Variants in ZFHX3 observed in about 807,000 individuals in gnomAD.
ZFHX3 encodes zinc finger homeobox 3.
Under a neutral mutation model 279.1 loss-of-function variants are expected in ZFHX3, and 42 were observed. The observed-to-expected ratio is 0.15, with a 90% CI of 0.12 to 0.19. The LOEUF (loss-of-function observed/expected upper bound fraction) is 0.19. Ranked by LOEUF, ZFHX3 falls within the 10% of genes least tolerant of loss-of-function variation. ZFHX3 has a pLI of 1.00. For synonymous variants in ZFHX3, 2,293 were observed against 1,957.8 expected, an observed-to-expected ratio of 1.17 and a Z score of -4.52; for missense variants, 4,981 against 4,754.0, an observed-to-expected ratio of 1.05 and a Z score of -1.40.
rs1377140116 is a variant in ZFHX3, at chr16:72,794,237, G to A, written c.8445C>T (p.Ser2815=). 4 of 1,614,202 alleles carry A rather than the reference G, an allele frequency of 2.5e-6. No individual in the cohort carries two copies. The highest frequency in any genetic ancestry group is 3.3e-5 in the Admixed American group (2 of 60,026). ...TTAGATTAACTGAGGACATGGAGGG[G>A]CTTTCAAAGTCTTCAATCCCTTCCA... ...IKVEGIEDFE[S]PSMSSVNLNF... Residue 2815 remains serine, a synonymous_variant, in exon 9 of 10, where the codon AGC becomes AGT. Transcript: ENST00000268489. The surrounding 1 kb of genome is among the most constrained non-coding windows in gnomAD (Gnocchi z 4.2).
chr16:73,213,837 C>G (rs1026838996), intron 5 of ZFHX3, among the ~76,000 whole-genome samples: 5 of 152,174 alleles, frequency 3.3e-5, no homozygotes, highest in Non-Finnish European at 7.3e-5. Flanking sequence ...CAAATTCTGG[C>G]TGAACATCAG....
At chr16:73,248,212 A>ATG (rs779662213) in intron 5 of ZFHX3, among the ~76,000 whole-genome samples, 5 of 146,910 alleles carry the variant, frequency 3.4e-5, no homozygotes, top group Non-Finnish European at 7.5e-5. Context: ...GTGTGTATAT[A>ATG]TGTGTGTGTG....
At chr16:73,550,183 A>G (rs2020182557) in intron 2 of ZFHX3, among the ~76,000 whole-genome samples, 1 of 152,014 alleles carries the variant, frequency 6.6e-6, no homozygotes, top group African/African-American at 2.4e-5. Flanking sequence ...GTCAGGGCAA[A>G]GCTGTATTGA....
intron 3 of ZFHX3, among the ~76,000 whole-genome samples, chr16:73,428,860 T>C (rs1289258626): frequency 1.3e-5 from 2 of 152,174 alleles, no homozygotes; most frequent in Admixed American, 6.5e-5. Flanking sequence ...TGGAACTGTC[T>C]TCTCTATTGC....
intron 5 of ZFHX3, among the ~76,000 whole-genome samples, chr16:73,161,551 C>T (rs1967236860): frequency 6.6e-6 from 1 of 152,172 alleles, no homozygotes; most frequent in Admixed American, 6.5e-5. Flanking sequence ...AGACATTTGG[C>T]ACTGCACTGG....
chr16:73,360,197 G>A (rs1431798069), intron 3 of ZFHX3, among the ~76,000 whole-genome samples: 1 of 152,176 alleles, frequency 6.6e-6, no homozygotes, highest in Non-Finnish European at 1.5e-5. Flanking sequence ...CAAGATACAC[G>A]TGACAATAAT....
chr16:73,604,841 T>C (rs1201980329), intron 2 of ZFHX3, among the ~76,000 whole-genome samples: 1 of 152,108 alleles, frequency 6.6e-6, no homozygotes, highest in Non-Finnish European at 1.5e-5. Context: ...AGGCTTCCTA[T>C]AAGATACCAG....
intron 7 of ZFHX3, chr16:72,807,127 GGGC>G (rs2036289588): frequency 3.9e-5 from 6 of 152,186 alleles, no homozygotes; most frequent in Non-Finnish European, 8.8e-5. Flanking sequence ...GGGAAAATAA[GGGC>G]ACCGAGCAGC....
Position 72,797,712 on chromosome 16 carries a change from G to T in ZFHX3, c.4970C>A (p.Thr1657Asn), listed in dbSNP as rs1371349982. The change falls in exon 9 of 10, where the codon ACC becomes AAC. Residue 1657 changes from threonine (T) to asparagine (N), a missense_variant. This residue lies in a region of ZFHX3 where 1,751 missense variants were observed against 1,770.0 expected (regional missense o/e 0.99). Coordinates refer to ENST00000268489, the MANE Select transcript of ZFHX3 (RefSeq NM_006885.4). ...LSSSTPSPVS[T>N]SGSNTFTTSN... is the part of the protein sequence containing the mutation. ...GGTGGTAAAGGTGTTACTGCCACTG[G>T]TGCTCACAGGACTTGGCGTGGAGGA... 1.2e-6 allele frequency: 2 copies of T among 1,614,132 alleles called. No individual in the cohort carries two copies. The highest frequency in any genetic ancestry group is 1.7e-4 in the Middle Eastern group (1 of 6,060).
At chr16:73,036,596 T>G (rs1597120239) in intron 1 of ZFHX3, among the ~76,000 whole-genome samples, 18 of 121,410 alleles carry the variant, frequency 1.5e-4, no homozygotes, top group Admixed American at 3.5e-4. Flanking sequence ...AGGAGGGAGG[T>G]GGAGGTAGAG....
intron 1 of ZFHX3, among the ~76,000 whole-genome samples, chr16:73,695,433 A>T (rs1222200333): frequency 6.6e-6 from 1 of 152,008 alleles, no homozygotes; most frequent in Admixed American, 6.6e-5. Context: ...ATCTCCTCTC[A>T]TTTGTCATTT....
intron 2 of ZFHX3, among the ~76,000 whole-genome samples, chr16:73,651,712 G>C (rs7499520): frequency 3.4e-5 from 4 of 116,964 alleles, no homozygotes; most frequent in East Asian, 5.3e-4. Context: ...AAAAAAAGCC[G>C]GGCGTGGTGG....
intron 2 of ZFHX3, among the ~76,000 whole-genome samples, chr16:73,623,299 GCAC>G (rs1250264563): frequency 3.3e-5 from 5 of 152,128 alleles, no homozygotes; most frequent in Non-Finnish European, 7.3e-5. Flanking sequence ...GCCTCCCAAA[GCAC>G]TGGGATTACA....
At position 73,703,407 on chromosome 16, in the gene ZFHX3, GGATA is replaced by G. The variant is rs1160223259; in HGVS notation, c.-1607-23171_-1607-23168del. 4.0e-5 allele frequency among the ~76,000 whole-genome samples: 6 copies of G among 151,744 alleles called. No individual in the cohort carries two copies. The East Asian group carries it at 1.2e-3, about 29-fold the overall frequency. The stretch of plus-strand genomic sequence containing the variant: ...AGAAAAAAATGAGTCATTTTTAAAA[GGATA>G]TATATTAATTAGCCAATAATATTAA... On this transcript the variant is annotated intron_variant, in intron 1 of 17. Coordinates refer to the ZFHX3 transcript ENST00000641206.
chr16:73,835,323 A>G (rs1430844007), intron 1 of ZFHX3, among the ~76,000 whole-genome samples: 1 of 152,012 alleles, frequency 6.6e-6, no homozygotes, highest in Non-Finnish European at 1.5e-5. Flanking sequence ...GCTAAAGAAG[A>G]GTTGATACCC....
At chr16:73,877,082 C>A (rs968024894) in intron 1 of ZFHX3, among the ~76,000 whole-genome samples, 9 of 149,666 alleles carry the variant, frequency 6.0e-5, no homozygotes, top group Non-Finnish European at 7.4e-5. Flanking sequence ...GAGAGATCAG[C>A]AGGGTGAATG....
chr16:73,307,029 A>G (rs569052992), intron 4 of ZFHX3, among the ~76,000 whole-genome samples: 3 of 152,362 alleles, frequency 2.0e-5, no homozygotes, highest in African/African-American at 7.2e-5. Flanking sequence ...CAAAACTGAC[A>G]ACATAAAATG....
At chr16:72,885,309 T>G (rs1351600027) in intron 4 of ZFHX3, among the ~76,000 whole-genome samples, 1 of 152,256 alleles carries the variant, frequency 6.6e-6, no homozygotes, top group East Asian at 1.9e-4. Context: ...AGGGCAGGAC[T>G]TAGATGTACG....
chr16:73,844,290 G>A (rs968093910), intron 1 of ZFHX3, among the ~76,000 whole-genome samples: 1 of 152,206 alleles, frequency 6.6e-6, no homozygotes, highest in African/African-American at 2.4e-5. Context: ...ATATGACTGG[G>A]GGGGTTGAAC....
Sources: allele counts gnomAD v4.1 joint callset (sites outside exome capture counted in the v4.1 genomes callset), GRCh38; gene constraint gnomAD v4.1.1; regional missense constraint gnomAD v4.1.1; non-coding constraint Gnocchi (gnomAD v3.1); transcripts MANE v1.5; gene names NCBI Gene and HGNC (gene_info 2026-07-23, HGNC 2026-07-21).